Variants in NRG1 observed in about 807,000 individuals in gnomAD.
NRG1 encodes neuregulin 1.
Under a neutral mutation model 63.8 loss-of-function variants are expected in NRG1, and 18 were observed. That is an observed-to-expected ratio of 0.28 (90% CI 0.19 to 0.42). The LOEUF (loss-of-function observed/expected upper bound fraction) is 0.42, where lower values mean the gene tolerates loss of function less well. Among genes scored for constraint, NRG1 ranks in the 10% least tolerant of loss-of-function variants. The pLI, the probability that NRG1 is intolerant of heterozygous loss-of-function variation, is 1.00. For missense variants in NRG1, 762 were observed against 814.7 expected (o/e 0.94, Z 0.79); for synonymous variants, 302 against 301.3 (o/e 1.00, Z -0.02).
chr8:31,991,300 T>G (rs1446194182), intron 1 of NRG1, among the ~76,000 whole-genome samples: 1 of 151,700 alleles, frequency 6.6e-6, no homozygotes, highest in Non-Finnish European at 1.5e-5. Flanking sequence ...CTTCTTCTTC[T>G]TCTTCCTCCT....
chr8:32,263,336 A>T (rs762862863), intron 1 of NRG1, among the ~76,000 whole-genome samples: 5 of 152,162 alleles, frequency 3.3e-5, no homozygotes, highest in Admixed American at 6.6e-5. Context: ...TGTACTAAGC[A>T]TTATGGCACA....
chr8:32,067,708 G>A (rs561892251), intron 1 of NRG1, among the ~76,000 whole-genome samples: 1 of 152,102 alleles, frequency 6.6e-6, no homozygotes, highest in South Asian at 2.1e-4. Context: ...CTCCACCTTT[G>A]AGGTGAGGAC....
At position 32,742,605 on chromosome 8, in the gene NRG1, T is replaced by C; in HGVS notation, c.633-70T>C. ...GTCAAATGACACTGAAGGAGCTTCT[T>C]TCTAGCATATATTCACCTCTTCTCT... On this transcript the variant is annotated intron_variant, in intron 6 of 11. Coordinates refer to ENST00000356819, the Ensembl canonical transcript of NRG1. This position sits in a 1 kb window ranked among gnomAD's most constrained non-coding sequence, Gnocchi z 4.2. 1 of 1,433,928 alleles carries C rather than the reference T, an allele frequency of 7.0e-7. No individual in the cohort carries two copies. The highest frequency in any genetic ancestry group is 1.7e-5 in the Admixed American group (1 of 58,980). 88.8% of individuals were successfully genotyped at this position (1,433,928 alleles called of 1,614,324 possible). A position where few individuals can be genotyped will look rare whatever the true frequency, so the allele number is the denominator to read the frequency against.
intron 1 of NRG1, among the ~76,000 whole-genome samples, chr8:31,879,704 C>G: frequency 6.6e-6 from 1 of 152,278 alleles, no homozygotes; most frequent in East Asian, 1.9e-4. Context: ...CCGCTTCCCT[C>G]CTCCTACCCT....
intron 1 of NRG1, among the ~76,000 whole-genome samples, chr8:32,158,729 T>C (rs1476151778): frequency 6.6e-6 from 1 of 151,740 alleles, no homozygotes; most frequent in East Asian, 1.9e-4. Context: ...GACATACATA[T>C]AAATAGTTCA....
chr8:31,659,300 T>C (rs1805735113), intron 1 of NRG1, among the ~76,000 whole-genome samples: 1 of 151,958 alleles, frequency 6.6e-6, no homozygotes, highest in South Asian at 2.1e-4. Flanking sequence ...AAAACAACTT[T>C]CCCGGAAAAG....
chr8:31,953,045 T>A (rs1249683292), intron 1 of NRG1, among the ~76,000 whole-genome samples: 1 of 152,192 alleles, frequency 6.6e-6, no homozygotes, highest in Admixed American at 6.5e-5. Context: ...AGGCAATAAT[T>A]TGTAGGTTTG....
chr8:31,707,950 T>C (rs1811314160), intron 1 of NRG1, among the ~76,000 whole-genome samples: 1 of 152,244 alleles, frequency 6.6e-6, no homozygotes, highest in Non-Finnish European at 1.5e-5. Flanking sequence ...AGAGATCAGC[T>C]TTAAATTTTA....
rs770993591 is a variant in NRG1 at position 32,293,718 on chromosome 8, C to CTT, written c.38-302092_38-302091dup. On this transcript the variant is annotated intron_variant, in intron 1 of 10. Transcript: ENST00000519301. ...ACTATTTCTTTTTTCTTTTCTTCTTCTTTTTTTTTTTTTTTTTTTGAGATG... is the reference window on the plus strand; with the variant it reads ...ACTATTTCTTTTTTCTTTTCTTCTTCTTTTTTTTTTTTTTTTTTTTTGAGATG... 4.6e-3 allele frequency among the ~76,000 whole-genome samples: 503 copies of CTT among 108,246 alleles called. 26 individuals carry two copies. Among genetic ancestry groups the CTT allele is most frequent in the African/African-American group, 0.012 (324 of 26,856 alleles). The allele number at this position is 108,246 out of a possible 152,430, so 71.0% of individuals were successfully genotyped here.
rs1316247870 is a variant in NRG1 at position 32,122,888 on chromosome 8, CTT to C, written c.38-472938_38-472937del. Among the ~76,000 whole-genome samples the C allele has an allele frequency of 2.6e-5, 4 of 151,158 alleles. No individual in the cohort carries two copies. In the Admixed American group the frequency reaches 2.7e-4, roughly 10 times the overall value. ...GAACACACGGTGTTTGGTTTTTTGTCTTTGCGATAGTTTACTGAGAATGATGA... is the reference window on the plus strand; with the variant it reads ...GAACACACGGTGTTTGGTTTTTTGTCTGCGATAGTTTACTGAGAATGATGA... On this transcript the variant is annotated intron_variant, in intron 1 of 10. Transcript: ENST00000519301.
intron 1 of NRG1, among the ~76,000 whole-genome samples, chr8:31,737,328 C>A (rs933843407): frequency 6.6e-6 from 1 of 152,016 alleles, no homozygotes; most frequent in African/African-American, 2.4e-5. Context: ...ACCTAGGGCC[C>A]TGGTCTCAAT....
intron 1 of NRG1, among the ~76,000 whole-genome samples, chr8:32,192,808 GT>G (rs1357803867): frequency 1.3e-5 from 2 of 151,978 alleles, no homozygotes; most frequent in African/African-American, 4.8e-5. Flanking sequence ...ATGTCACCTT[GT>G]AGTGCCCCAC....
intron 1 of NRG1, among the ~76,000 whole-genome samples, chr8:32,152,273 G>A (rs927471797): frequency 3.3e-5 from 5 of 152,182 alleles, no homozygotes; most frequent in African/African-American, 7.2e-5. Context: ...AGAACACTTT[G>A]TGGTTCTTCT....
chr8:32,327,583 C>A (rs2129477326), intron 1 of NRG1, among the ~76,000 whole-genome samples: 1 of 152,302 alleles, frequency 6.6e-6, no homozygotes, highest in South Asian at 2.1e-4. Context: ...ATAGTTGAAT[C>A]TTCTGTGGAA....
intron 1 of NRG1, among the ~76,000 whole-genome samples, chr8:32,027,663 A>C (rs560203084): frequency 1.6e-4 from 24 of 152,172 alleles, no homozygotes; most frequent in South Asian, 4.1e-4. Flanking sequence ...ATTTACTTTC[A>C]TGGATTATCT....
At chr8:32,626,366 T>C (rs1462565413) in intron 5 of NRG1, among the ~76,000 whole-genome samples, 2 of 152,048 alleles carry the variant, frequency 1.3e-5, no homozygotes, top group Non-Finnish European at 2.9e-5. Flanking sequence ...AGTTTTTTTT[T>C]TTTTTTGTAA....
chr8:32,018,035 T>G (rs1045853970), intron 1 of NRG1, among the ~76,000 whole-genome samples: 1 of 152,208 alleles, frequency 6.6e-6, no homozygotes, highest in African/African-American at 2.4e-5. Flanking sequence ...CTCAGTCAAA[T>G]CATTAGAATA....
intron 1 of NRG1, among the ~76,000 whole-genome samples, chr8:31,925,681 A>T (rs1325680028): frequency 4.9e-5 from 7 of 142,628 alleles, no homozygotes; most frequent in Non-Finnish European, 9.3e-5. Context: ...TCATCCAGAA[A>T]TTTTTCTGAC....
intron 1 of NRG1, chr8:31,639,821 A>C: frequency 8.3e-7 from 1 of 1,207,520 alleles, no homozygotes; most frequent in Admixed American, 4.5e-5. Flanking sequence ...TCCTCCTCCC[A>C]TAAACAACTC....
Sources: allele counts gnomAD v4.1 joint callset (sites outside exome capture counted in the v4.1 genomes callset), GRCh38; gene constraint gnomAD v4.1.1; non-coding constraint Gnocchi (gnomAD v3.1); transcripts MANE v1.5; gene names NCBI Gene and HGNC (gene_info 2026-07-23, HGNC 2026-07-21).